Variants in CTNNA3 observed in about 807,000 individuals in gnomAD.
The protein encoded by CTNNA3 is catenin alpha 3.
Under a neutral mutation model 95.7 loss-of-function variants are expected in CTNNA3, and 76 were observed. The observed-to-expected ratio is 0.79, with a 90% CI of 0.66 to 0.96. The LOEUF (loss-of-function observed/expected upper bound fraction) is 0.96, where lower values mean the gene tolerates loss of function less well. Ranked by LOEUF, CTNNA3 falls within the 40% of genes least tolerant of loss-of-function variation. The pLI is 0.00. For synonymous variants in CTNNA3, 431 were observed against 374.4 expected, an observed-to-expected ratio of 1.15 and a Z score of -1.74; for missense variants, 1,191 against 1,089.8, an observed-to-expected ratio of 1.09 and a Z score of -1.31.
intron 3 of CTNNA3, among the ~76,000 whole-genome samples, chr10:67,559,130 G>A (rs1841376327): frequency 2.0e-5 from 3 of 152,298 alleles, no homozygotes; most frequent in Admixed American, 2.0e-4. Flanking sequence ...GCTTTGAAGA[G>A]AGCAGTGCTT....
At chr10:66,161,661 T>C (rs1194982052) in intron 13 of CTNNA3, among the ~76,000 whole-genome samples, 1 of 152,254 alleles carries the variant, frequency 6.6e-6, no homozygotes, top group East Asian at 1.9e-4. Context: ...TTGTATAGCC[T>C]GATGACAATG....
At chr10:65,999,217 A>T (rs1275673072) in intron 15 of CTNNA3, among the ~76,000 whole-genome samples, 1 of 151,920 alleles carries the variant, frequency 6.6e-6, no homozygotes, top group African/African-American at 2.4e-5. Flanking sequence ...ATGCATCTCT[A>T]GAGAAAGTTC....
intron 7 of CTNNA3, among the ~76,000 whole-genome samples, chr10:66,846,595 A>G (rs58410177): frequency 0.028 from 4,190 of 151,636 alleles, 182 homozygotes; most frequent in African/African-American, 0.095. Flanking sequence ...GTGTGTGTGT[A>G]TATATATATA....
At chr10:66,605,079 G>C (rs923414778) in intron 10 of CTNNA3, among the ~76,000 whole-genome samples, 1 of 151,926 alleles carries the variant, frequency 6.6e-6, no homozygotes, top group Non-Finnish European at 1.5e-5. Context: ...CAACAGAAAC[G>C]GACAGACAAA....
intron 9 of CTNNA3, among the ~76,000 whole-genome samples, chr10:66,763,346 A>AGAGAGG (rs1839689861): frequency 1.3e-5 from 2 of 151,108 alleles, no homozygotes; most frequent in Admixed American, 1.3e-4. Context: ...ACACACAGAG[A>AGAGAGG]GAGAGAGGGA....
chr10:67,583,711 G>T (rs963463849), intron 3 of CTNNA3, among the ~76,000 whole-genome samples: 1 of 152,152 alleles, frequency 6.6e-6, no homozygotes, highest in Non-Finnish European at 1.5e-5. Context: ...AGACGTAGAT[G>T]TGGTCTTTTC....
In CTNNA3 at chr10:66,928,475, G is replaced by T. The variant is rs1564773240; in HGVS notation, c.1048-152951C>A. On this transcript the variant is annotated intron_variant, in intron 7 of 17. Coordinates refer to ENST00000433211, the MANE Select transcript of CTNNA3 (RefSeq NM_013266.4). ...GAGGTATGAACCATTGTGATAAAAA[G>T]AGCTCTTAAAAGCTGGGAAATAAGT... The T allele has an allele frequency of 2.6e-6, 4 of 1,560,544 alleles. No individual in the cohort carries two copies. In the East Asian group the frequency reaches 9.0e-5, roughly 35 times the overall value.
intron 10 of CTNNA3, among the ~76,000 whole-genome samples, chr10:66,574,513 G>A (rs560368356): frequency 1.3e-5 from 2 of 152,206 alleles, no homozygotes; most frequent in East Asian, 3.9e-4. Context: ...TTCTTTACAT[G>A]TGAATAATTT....
At chr10:66,115,570 AC>A (rs770052142) in intron 13 of CTNNA3, among the ~76,000 whole-genome samples, 7,666 of 100,940 alleles carry the variant, frequency 0.076, 232 homozygotes, top group Middle Eastern at 0.14. Context: ...AGATAGATAG[AC>A]AGATAGATGA....
intron 10 of CTNNA3, among the ~76,000 whole-genome samples, chr10:66,597,233 A>G (rs1349677142): frequency 6.6e-6 from 1 of 151,840 alleles, no homozygotes; most frequent in Non-Finnish European, 1.5e-5. Context: ...GCAGCAGAGA[A>G]AAAGGCAGAA....
intron 5 of CTNNA3, among the ~76,000 whole-genome samples, chr10:67,514,979 C>T (rs911661576): frequency 2.6e-5 from 4 of 152,020 alleles, no homozygotes; most frequent in South Asian, 2.1e-4. Context: ...AGACAACAGA[C>T]GGAAACAGAA....
intron 15 of CTNNA3, among the ~76,000 whole-genome samples, chr10:66,006,208 C>T (rs547360172): frequency 6.6e-5 from 10 of 151,700 alleles, no homozygotes; most frequent in Admixed American, 2.6e-4. Context: ...AGAGACGGGG[C>T]TTCACAGTGT....
intron 7 of CTNNA3, among the ~76,000 whole-genome samples, chr10:66,790,761 C>T (rs575038927): frequency 3.3e-5 from 5 of 152,138 alleles, no homozygotes; most frequent in South Asian, 4.2e-4. Flanking sequence ...ATATTTTAAT[C>T]GTCTTAACAG....
chr10:67,692,227 G>A (rs1181781004), intron 1 of CTNNA3, among the ~76,000 whole-genome samples: 14 of 149,632 alleles, frequency 9.4e-5, no homozygotes, highest in African/African-American at 2.4e-4. Flanking sequence ...CCACCACCCC[G>A]TCTGGGAGGT....
intron 5 of CTNNA3, among the ~76,000 whole-genome samples, chr10:67,485,657 A>T (rs1848417995): frequency 6.6e-6 from 1 of 152,176 alleles, no homozygotes; most frequent in South Asian, 2.1e-4. Context: ...TTACTTTCTC[A>T]TCCTTGGCTT....
intron 6 of CTNNA3, among the ~76,000 whole-genome samples, chr10:67,214,009 T>C (rs905916828): frequency 2.6e-5 from 4 of 151,852 alleles, no homozygotes; most frequent in Non-Finnish European, 4.4e-5. Flanking sequence ...TCAAACTATC[T>C]TGATTCTTAA....
chr10:66,878,030 G>A lies in CTNNA3; in HGVS notation c.1048-102506C>T, dbSNP rs189508709. On this transcript the variant is annotated intron_variant, in intron 7 of 17. Transcript: ENST00000433211. ...AAGGAAAATGTAGTTTCAATAAATC[G>A]TTGGCAGTTCTTGCCAGGCACTCGG... Among the ~76,000 whole-genome samples the A allele has an allele frequency of 8.3e-4, 126 of 152,176 alleles. 1 individual carries two copies. Among genetic ancestry groups the A allele is most frequent in the African/African-American group, 2.4e-3 (98 of 41,522 alleles).
At chr10:67,611,754 CTTGT>C (rs1293810947) in intron 2 of CTNNA3, among the ~76,000 whole-genome samples, 35 of 152,266 alleles carry the variant, frequency 2.3e-4, no homozygotes, top group Middle Eastern at 3.4e-3. Flanking sequence ...CATCTCTTTT[CTTGT>C]TTATTAGCTA....
chr10:66,095,981 G>GTAA (rs2133711997), intron 14 of CTNNA3, among the ~76,000 whole-genome samples: 1 of 152,126 alleles, frequency 6.6e-6, no homozygotes, highest in East Asian at 1.9e-4. Context: ...TACAATTTCT[G>GTAA]TAATTTGGGG....
Sources: allele counts gnomAD v4.1 joint callset (sites outside exome capture counted in the v4.1 genomes callset), GRCh38; gene constraint gnomAD v4.1.1; transcripts MANE v1.5; gene names NCBI Gene and HGNC (gene_info 2026-07-23, HGNC 2026-07-21).